Variants in RAB27B observed in about 807,000 individuals in gnomAD.
RAB27B encodes the protein RAB27B, member RAS oncogene family, also known as ras-related protein Rab-27B.
Under a neutral mutation model 24.6 loss-of-function variants are expected in RAB27B, and 15 were observed. The ratio of observed to expected loss-of-function variants is 0.61; its 90% CI spans 0.41 to 0.94. RAB27B has a LOEUF of 0.94. Among genes scored for constraint, RAB27B ranks in the 40% least tolerant of loss-of-function variants. RAB27B has a pLI of 0.00. For missense variants in RAB27B, 261 were observed against 266.8 expected (o/e 0.98, Z 0.15); for synonymous variants, 105 against 92.5 (o/e 1.14, Z -0.78).
intron 2 of RAB27B, among the ~76,000 whole-genome samples, chr18:54,802,951 A>G (rs965424074): frequency 6.6e-6 from 1 of 152,232 alleles, no homozygotes; most frequent in Non-Finnish European, 1.5e-5. Flanking sequence ...CTTTGCTTAC[A>G]TAAGCATTTT....
At chr18:54,729,112 T>C (rs551207077) in intron 2 of RAB27B, among the ~76,000 whole-genome samples, 119 of 152,150 alleles carry the variant, frequency 7.8e-4, no homozygotes, top group African/African-American at 2.6e-3. Flanking sequence ...CGTAGTTACC[T>C]GTGAAAACTG....
chr18:54,850,014 T>TC (rs1312435971), intron 1 of RAB27B, among the ~76,000 whole-genome samples: 1 of 151,832 alleles, frequency 6.6e-6, no homozygotes, highest in Non-Finnish European at 1.5e-5. Context: ...TTGGCAAAAT[T>TC]CCTCTTCACA....
chr18:54,851,446 C>T (rs563559262), intron 1 of RAB27B, among the ~76,000 whole-genome samples: 6 of 152,226 alleles, frequency 3.9e-5, no homozygotes, highest in Non-Finnish European at 8.8e-5. Context: ...AACATTTAGG[C>T]GCAAATATAA....
At chr18:54,759,254 C>G (rs1598883709) in intron 2 of RAB27B, among the ~76,000 whole-genome samples, 2 of 152,250 alleles carry the variant, frequency 1.3e-5, no homozygotes, top group South Asian at 4.1e-4. Flanking sequence ...CCTGATTTCT[C>G]CCAAACCTGA....
chr18:54,766,545 TTAAA>T (rs1249048100), intron 2 of RAB27B, among the ~76,000 whole-genome samples: 1 of 152,174 alleles, frequency 6.6e-6, no homozygotes, highest in African/African-American at 2.4e-5. Flanking sequence ...AGAGATTAGA[TTAAA>T]TACGTGCTAA....
chr18:54,793,572 C>G (rs141400813), intron 2 of RAB27B, among the ~76,000 whole-genome samples: 95 of 152,228 alleles, frequency 6.2e-4, no homozygotes, highest in Non-Finnish European at 8.4e-4. Context: ...TAGGATCTGT[C>G]TCTTCCAATG....
rs1304515980 is a variant in RAB27B, at chr18:54,850,356, A to ATATATATATATATATG, written c.-20+21660_-20+21661insTATATATATATGTATA. Reference sequence around the variant, plus strand: ...AGGATATATATATATATATATATATATATACATACATACATATGTTTAGTT... The same window carrying ATATATATATATATATG: ...AGGATATATATATATATATATATATATATATATATATATATGTATACATACATACATATGTTTAGTT... On this transcript the variant is annotated intron_variant, in intron 1 of 5. Transcript: ENST00000262094. Among the ~76,000 whole-genome samples, 88 of 139,236 alleles carry ATATATATATATATATG rather than the reference A, an allele frequency of 6.3e-4. 4 individuals carry two copies. Among genetic ancestry groups the ATATATATATATATATG allele is most frequent in the African/African-American group, 2.4e-3 (85 of 36,064 alleles). The allele number at this position is 139,236 out of a possible 152,430, so 91.3% of individuals were successfully genotyped here.
intron 2 of RAB27B, among the ~76,000 whole-genome samples, chr18:54,768,341 G>C (rs1203881159): frequency 6.6e-6 from 1 of 152,118 alleles, no homozygotes. Context: ...ATGGCTGCAT[G>C]GTGAAAGGTA....
intron 2 of RAB27B, among the ~76,000 whole-genome samples, chr18:54,805,068 G>A (rs529040159): frequency 6.6e-6 from 1 of 151,358 alleles, no homozygotes; most frequent in East Asian, 1.9e-4. Flanking sequence ...CTGACAGGGA[G>A]GTTTCTGGAG....
At chr18:54,723,168 C>G (rs1909415570) in intron 2 of RAB27B, among the ~76,000 whole-genome samples, 2 of 152,178 alleles carry the variant, frequency 1.3e-5, no homozygotes, top group Non-Finnish European at 1.5e-5. Context: ...AGAGCAAAGG[C>G]TCTTGCTGGG....
chr18:54,793,110 T>A (rs895760860), intron 2 of RAB27B, among the ~76,000 whole-genome samples: 4 of 142,090 alleles, frequency 2.8e-5, no homozygotes, highest in Non-Finnish European at 4.7e-5. Flanking sequence ...TTTTTTTTTT[T>A]AATTATTGAC....
chr18:54,741,744 C>T (rs1195300449), intron 2 of RAB27B, among the ~76,000 whole-genome samples: 1 of 152,130 alleles, frequency 6.6e-6, no homozygotes, highest in African/African-American at 2.4e-5. Context: ...TCAAGCAGTC[C>T]ACCCACCTCC....
intron 3 of RAB27B, among the ~76,000 whole-genome samples, chr18:54,884,129 G>T (rs960382565): frequency 6.6e-6 from 1 of 151,750 alleles, no homozygotes; most frequent in African/African-American, 2.4e-5. Context: ...AGAAAGCCAG[G>T]AAGTGGTCTT....
At position 54,890,328 on chromosome 18, in the gene RAB27B, T is replaced by C. The variant is rs903563931; in HGVS notation, c.*915T>C. On this transcript the variant is annotated 3_prime_UTR_variant, in exon 6 of 6. Coordinates refer to ENST00000262094, the MANE Select transcript of RAB27B (RefSeq NM_004163.4). ...TCACATTTCATTTTTTCTTAGCACA[T>C]GTTGATAAAATAGTCACAAGGAGAA... 6.6e-6 allele frequency: 1 copy of C among 152,168 alleles called. No individual in the cohort carries two copies. Among genetic ancestry groups the C allele is most frequent in the African/African-American group, 2.4e-5 (1 of 41,456 alleles). The allele number at this position is 152,168 out of a possible 1,614,324, so 9.4% of individuals were successfully genotyped here.
At chr18:54,757,632 G>A (rs1469741486) in intron 2 of RAB27B, among the ~76,000 whole-genome samples, 1 of 151,978 alleles carries the variant, frequency 6.6e-6, no homozygotes, top group Non-Finnish European at 1.5e-5. Context: ...TTATAAAAGG[G>A]ACAATGTAAT....
chr18:54,861,101 A>T (rs1408530603), intron 1 of RAB27B, among the ~76,000 whole-genome samples: 1 of 152,188 alleles, frequency 6.6e-6, no homozygotes, highest in Non-Finnish European at 1.5e-5. Flanking sequence ...CATCTCAGGG[A>T]GGCAGAACTT....
At chr18:54,824,429 G>C (rs149222856), upstream of RAB27B, among the ~76,000 whole-genome samples, 174 of 152,266 alleles carry the variant, frequency 1.1e-3, no homozygotes, top group African/African-American at 4.0e-3. Context: ...TTTACTTCTA[G>C]CTCATGTGGT....
At chr18:54,805,182 C>T (rs971597869) in intron 2 of RAB27B, among the ~76,000 whole-genome samples, 1 of 151,966 alleles carries the variant, frequency 6.6e-6, no homozygotes, top group African/African-American at 2.4e-5. Flanking sequence ...TGCACACTTC[C>T]CTTACACTCA....
rs549590018 is a variant in RAB27B, at chr18:54,858,105, T to G, written c.-19-19462T>G. ...TAGCCTGTATTCGTCATCGTGTAAA[T>G]ATGAACTAGTTGATTAACTACCGAG... is the stretch of plus-strand genomic sequence containing the variant. On this transcript the variant is annotated intron_variant, in intron 1 of 5. Coordinates refer to ENST00000262094, the MANE Select transcript of RAB27B (RefSeq NM_004163.4). Among the ~76,000 whole-genome samples the G allele has an allele frequency of 3.1e-4, 47 of 152,290 alleles. 1 individual carries two copies. The South Asian group carries it at 8.9e-3, about 29-fold the overall frequency.
Sources: allele counts gnomAD v4.1 joint callset (sites outside exome capture counted in the v4.1 genomes callset), GRCh38; gene constraint gnomAD v4.1.1; transcripts MANE v1.5; gene names NCBI Gene and HGNC (gene_info 2026-07-23, HGNC 2026-07-21).